Variants in ACKR3 observed in about 807,000 individuals in gnomAD.
ACKR3 encodes the protein C-X-C chemokine receptor type 7.
ACKR3 carries 6 observed loss-of-function variants against 22.4 expected under a neutral mutation model. The observed-to-expected ratio is 0.27, with a 90% CI of 0.15 to 0.53. The LOEUF is 0.53. Ranked by LOEUF, ACKR3 falls within the 20% of genes least tolerant of loss-of-function variation. The probability of loss-of-function intolerance (pLI) is 0.96; values close to 1 mark genes in which losing one functional copy is unlikely to be tolerated. For synonymous variants in ACKR3, 209 were observed against 205.2 expected, an observed-to-expected ratio of 1.02 and a Z score of -0.16; for missense variants, 396 against 475.2, an observed-to-expected ratio of 0.83 and a Z score of 1.55.
At chr2:236,555,088 A>G in the ACKR3 span, among the ~76,000 whole-genome samples, 1 of 152,326 alleles carries the variant, frequency 6.6e-6, no homozygotes, top group East Asian at 1.9e-4. Flanking sequence ...GGTGGCCTCC[A>G]CTTCCTGTCT....
chr2:236,543,042 A>C, the ACKR3 span, among the ~76,000 whole-genome samples: 142 of 152,036 alleles, frequency 9.3e-4, no homozygotes, highest in African/African-American at 3.1e-3. Flanking sequence ...GAAATAAAGC[A>C]ATGACAGTTG....
At chr2:236,564,087 G>C (rs965769270), upstream of ACKR3, among the ~76,000 whole-genome samples, 8 of 152,208 alleles carry the variant, frequency 5.3e-5, no homozygotes, top group African/African-American at 1.9e-4. Flanking sequence ...CCTGCGACAG[G>C]GGCCAGAGGC....
At chr2:236,571,704 G>A (rs1691315535) in intron 1 of ACKR3, among the ~76,000 whole-genome samples, 1 of 151,500 alleles carries the variant, frequency 6.6e-6, no homozygotes, top group Non-Finnish European at 1.5e-5. Context: ...ATTTTAGGGC[G>A]AGAGCTCCTG....
At chr2:236,543,335 A>G in the ACKR3 span, among the ~76,000 whole-genome samples, 1 of 152,158 alleles carries the variant, frequency 6.6e-6, no homozygotes, top group African/African-American at 2.4e-5. Context: ...GCAGGATATA[A>G]AAGTGGAATC....
In ACKR3 at chr2:236,581,031, C is replaced by T. The variant is rs375162525; in HGVS notation, c.566C>T (p.Ala189Val). The T allele has an allele frequency of 3.8e-5, 61 of 1,614,184 alleles. No individual in the cohort carries two copies. The African/African-American group carries it at 4.5e-4, about 12-fold the overall frequency. ...TACTACCTGAAGACCGTCACGTCTG[C>T]GTCCAACAATGAGACCTACTGCCGG... ...DTYYLKTVTSASNNETYCRSF... is the reference protein window; with the variant it reads ...DTYYLKTVTSVSNNETYCRSF... Residue 189 changes from alanine to valine, a missense_variant, in exon 2 of 2, where the codon GCG becomes GTG. Ala to Val is a moderately conservative substitution (Grantham distance 64). Transcript: ENST00000272928. This position sits in a 1 kb window ranked among gnomAD's most constrained non-coding sequence, Gnocchi z 4.4.
chr2:236,562,170 A>ATT, the ACKR3 span, among the ~76,000 whole-genome samples: 2 of 152,226 alleles, frequency 1.3e-5, no homozygotes, highest in African/African-American at 2.4e-5. Flanking sequence ...AATCAAAATC[A>ATT]TTCTATTTTT....
chr2:236,544,280 G>A, the ACKR3 span, among the ~76,000 whole-genome samples: 1 of 151,928 alleles, frequency 6.6e-6, no homozygotes, highest in Non-Finnish European at 1.5e-5. This position sits in a 1 kb window ranked among gnomAD's most constrained non-coding sequence, Gnocchi z 5.0. Context: ...GAGCCACCGC[G>A]CCCGGAGGGG....
At chr2:236,539,710 A>G in the ACKR3 span, among the ~76,000 whole-genome samples, 6 of 151,984 alleles carry the variant, frequency 3.9e-5, no homozygotes, top group African/African-American at 1.5e-4. Flanking sequence ...TGGATCTTAT[A>G]TTGTATTAGT....
chr2:236,576,625 G>A (rs558399674), intron 1 of ACKR3, among the ~76,000 whole-genome samples: 69 of 152,350 alleles, frequency 4.5e-4, no homozygotes, highest in African/African-American at 1.6e-3. Flanking sequence ...AATAGTGGAC[G>A]CACAACCATC....
intron 1 of ACKR3, among the ~76,000 whole-genome samples, chr2:236,571,981 G>T (rs185027854): frequency 6.6e-6 from 1 of 152,136 alleles, no homozygotes; most frequent in African/African-American, 2.4e-5. Context: ...TGGATTGCAC[G>T]TGTGTAGGCA....
chr2:236,581,344 C>G lies in ACKR3; in HGVS notation c.879C>G (p.Leu293=). 6.2e-7 allele frequency: 1 copy of G among 1,614,092 alleles called. No homozygotes were observed. Among genetic ancestry groups the G allele is most frequent in the Non-Finnish European group, 8.5e-7 (1 of 1,180,026 alleles). ...TCACCTGCCGGCTGGAGCACGCCCT[C>G]TTCACGGCCCTGCATGTCACACAGT... ...IPFTCRLEHA[L]FTALHVTQCL... The change falls in exon 2 of 2, where the codon CTC becomes CTG. Residue 293 remains leucine, a synonymous_variant. Transcript: ENST00000272928. This position sits in a 1 kb window ranked among gnomAD's most constrained non-coding sequence, Gnocchi z 4.4.
At chr2:236,551,449 T>C in the ACKR3 span, among the ~76,000 whole-genome samples, 1 of 152,150 alleles carries the variant, frequency 6.6e-6, no homozygotes, top group South Asian at 2.1e-4. Context: ...AACCCTGAGG[T>C]ACTGGGTGGG....
rs757492022 is a variant in ACKR3 at position 236,581,349 on chromosome 2, C to T, written c.884C>T (p.Thr295Met). The T allele has an allele frequency of 5.0e-6, 8 of 1,613,972 alleles. No individual in the cohort carries two copies. Among genetic ancestry groups the T allele is most frequent in the Non-Finnish European group, 5.1e-6 (6 of 1,180,036 alleles). Reference sequence around the variant, plus strand: ...TGCCGGCTGGAGCACGCCCTCTTCACGGCCCTGCATGTCACACAGTGCCTG... The same window carrying T: ...TGCCGGCTGGAGCACGCCCTCTTCATGGCCCTGCATGTCACACAGTGCCTG... The part of the protein sequence containing the change: ...FTCRLEHALF[T>M]ALHVTQCLSL... The change falls in exon 2 of 2, where the codon ACG becomes ATG. Residue 295 changes from threonine (T) to methionine (M), a missense_variant. Transcript: ENST00000272928. This position sits in a 1 kb window ranked among gnomAD's most constrained non-coding sequence, Gnocchi z 4.4.
At chr2:236,561,577 C>T in the ACKR3 span, among the ~76,000 whole-genome samples, 3 of 152,038 alleles carry the variant, frequency 2.0e-5, no homozygotes, top group East Asian at 1.9e-4. Flanking sequence ...GCACGACCTC[C>T]GCCTCCTGGG....
At chr2:236,575,430 CTG>C (rs1219149252) in intron 1 of ACKR3, among the ~76,000 whole-genome samples, 2 of 80,636 alleles carry the variant, frequency 2.5e-5, no homozygotes, top group East Asian at 3.6e-4. Flanking sequence ...GTGTGTGTGT[CTG>C]GGGTTGTGCT....
At position 236,581,602 on chromosome 2, in the gene ACKR3, G is replaced by A. The variant is rs1244010486; in HGVS notation, c.*48G>A. ...ACGGGTTTACTTGTTTTTGAACAGGGTGATGGGCCCTATGGTTTTCTAGAG... is the reference window on the plus strand; with the variant it reads ...ACGGGTTTACTTGTTTTTGAACAGGATGATGGGCCCTATGGTTTTCTAGAG... On this transcript the variant is annotated 3_prime_UTR_variant, in exon 2 of 2. Transcript: ENST00000272928. The surrounding 1 kb of genome is among the most constrained non-coding windows in gnomAD (Gnocchi z 4.4). The A allele has an allele frequency of 3.8e-6, 6 of 1,574,252 alleles. No homozygotes were observed. The highest frequency in any genetic ancestry group is 1.2e-5 in the South Asian group (1 of 84,598).
At chr2:236,573,269 A>C (rs1038430505) in intron 1 of ACKR3, among the ~76,000 whole-genome samples, 1 of 152,204 alleles carries the variant, frequency 6.6e-6, no homozygotes. Flanking sequence ...TCCTGATCTA[A>C]CTTGCAGGCT....
chr2:236,559,790 A>G, the ACKR3 span, among the ~76,000 whole-genome samples: 1 of 152,156 alleles, frequency 6.6e-6, no homozygotes, highest in Non-Finnish European at 1.5e-5. Flanking sequence ...ACAGATTAAT[A>G]TGACTGTCCT....
upstream of ACKR3, chr2:236,567,656 T>C (rs549288318): frequency 2.0e-3 from 300 of 152,442 alleles, 1 homozygote; most frequent in African/African-American, 7.0e-3. Flanking sequence ...GGTGGGAGCC[T>C]GGCCAGAGTT....
Sources: allele counts gnomAD v4.1 joint callset (sites outside exome capture counted in the v4.1 genomes callset), GRCh38; gene constraint gnomAD v4.1.1; non-coding constraint Gnocchi (gnomAD v3.1); transcripts MANE v1.5; gene names NCBI Gene and HGNC (gene_info 2026-07-23, HGNC 2026-07-21).